The following RIMKLB variants were observed in gnomAD, a reference collection of about 807,000 sequenced individuals.
RIMKLB encodes the protein beta-citrylglutamate synthase B.
Under a neutral mutation model 32.0 loss-of-function variants are expected in RIMKLB, and 7 were observed. That is an observed-to-expected ratio of 0.22 (90% CI 0.12 to 0.41). RIMKLB has a LOEUF of 0.41. Among genes scored for constraint, RIMKLB ranks in the 10% least tolerant of loss-of-function variants. The pLI is 1.00. For synonymous variants in RIMKLB, 172 were observed against 185.1 expected, an observed-to-expected ratio of 0.93 and a Z score of 0.57; for missense variants, 289 against 498.7, an observed-to-expected ratio of 0.58 and a Z score of 4.00.
intron 2 of RIMKLB, among the ~76,000 whole-genome samples, chr12:8,747,112 G>A (rs11047040): frequency 0.033 from 5,006 of 152,158 alleles, 277 homozygotes; most frequent in African/African-American, 0.11. Flanking sequence ...AAATGCTTCT[G>A]GTCCCTACTA....
intron 2 of RIMKLB, among the ~76,000 whole-genome samples, chr12:8,725,532 C>T (rs1238542474): frequency 1.3e-5 from 2 of 152,120 alleles, no homozygotes; most frequent in Non-Finnish European, 2.9e-5. Context: ...TCAAGTCATC[C>T]TAGAGTTGCA....
chr12:8,753,030 G>A (rs1189253391), intron 4 of RIMKLB, among the ~76,000 whole-genome samples: 1 of 152,176 alleles, frequency 6.6e-6, no homozygotes, highest in Non-Finnish European at 1.5e-5. Flanking sequence ...ACAGGTGTGA[G>A]CCACTGCGCC....
At chr12:8,732,305 T>C (rs1946615721) in intron 2 of RIMKLB, among the ~76,000 whole-genome samples, 1 of 152,122 alleles carries the variant, frequency 6.6e-6, no homozygotes, top group South Asian at 2.1e-4. Flanking sequence ...TAGTTGCTTA[T>C]CTCATTTGGA....
At chr12:8,695,842 C>G (rs995669710), upstream of RIMKLB, among the ~76,000 whole-genome samples, 1 of 151,834 alleles carries the variant, frequency 6.6e-6, no homozygotes, top group Non-Finnish European at 1.5e-5. Flanking sequence ...TACAGGCGTG[C>G]GCTATCACGC....
Position 8,698,208 on chromosome 12 carries a change from C to G in RIMKLB, c.-146C>G, listed in dbSNP as rs908945486. The G allele has an allele frequency of 2.7e-6, 1 of 371,020 alleles. No homozygotes were observed. Among genetic ancestry groups the G allele is most frequent in the African/African-American group, 2.2e-5 (1 of 45,102 alleles). The allele number at this position is 371,020 out of a possible 1,614,324, so 23.0% of individuals were successfully genotyped here. The stretch of plus-strand genomic sequence containing the variant: ...ACCCCCTCCCCCTCCTCTCCTTCCC[C>G]CACTTCCAGCCGCCCGGCGGCCCGC... On this transcript the variant is annotated 5_prime_UTR_variant, in exon 1 of 6. Coordinates refer to ENST00000535829, the MANE Select transcript of RIMKLB (RefSeq NM_001297776.2).
At chr12:8,768,140 G>C (rs1176701966) in intron 5 of RIMKLB, among the ~76,000 whole-genome samples, 2 of 152,200 alleles carry the variant, frequency 1.3e-5, no homozygotes, top group African/African-American at 2.4e-5. Flanking sequence ...GGTCACGGAA[G>C]AGAACTGTGG....
At chr12:8,707,065 A>C (rs945914824) in intron 1 of RIMKLB, among the ~76,000 whole-genome samples, 1 of 152,060 alleles carries the variant, frequency 6.6e-6, no homozygotes, top group African/African-American at 2.4e-5. Context: ...ACAACATTCA[A>C]TGTGCTTTTT....
At chr12:8,762,439 C>G (rs1265157538) in intron 5 of RIMKLB, among the ~76,000 whole-genome samples, 1 of 151,996 alleles carries the variant, frequency 6.6e-6, no homozygotes, top group East Asian at 1.9e-4. Flanking sequence ...CCTTGCGGCT[C>G]TTTTGGCTTC....
intron 5 of RIMKLB, among the ~76,000 whole-genome samples, chr12:8,766,096 G>T (rs895760271): frequency 6.6e-6 from 1 of 151,786 alleles, no homozygotes; most frequent in Non-Finnish European, 1.5e-5. Context: ...CTTTGCCTTG[G>T]GGGGAATGTT....
At chr12:8,673,131 C>T in the RIMKLB span, among the ~76,000 whole-genome samples, 1 of 152,108 alleles carries the variant, frequency 6.6e-6, no homozygotes, top group East Asian at 1.9e-4. Context: ...ATCTACCTGC[C>T]TTGGCCTCCC....
intron 1 of RIMKLB, among the ~76,000 whole-genome samples, chr12:8,686,346 G>C (rs1942571715): frequency 6.6e-6 from 1 of 151,706 alleles, no homozygotes; most frequent in South Asian, 2.1e-4. Context: ...CCAGGGTGGA[G>C]TGCAGTAGCC....
chr12:8,764,554 A>G (rs1949795074), intron 5 of RIMKLB, among the ~76,000 whole-genome samples: 1 of 152,078 alleles, frequency 6.6e-6, no homozygotes, highest in Non-Finnish European at 1.5e-5. Flanking sequence ...CCGGGACAGG[A>G]GAGTAAGACT....
intron 5 of RIMKLB, among the ~76,000 whole-genome samples, chr12:8,763,660 G>C (rs1316847875): frequency 1.3e-5 from 2 of 152,242 alleles, no homozygotes; most frequent in Non-Finnish European, 2.9e-5. Context: ...AAACCTTGTA[G>C]CCACAAGTGG....
chr12:8,718,486 T>C (rs1945076817), intron 2 of RIMKLB, among the ~76,000 whole-genome samples: 2 of 152,074 alleles, frequency 1.3e-5, no homozygotes, highest in African/African-American at 4.8e-5. Flanking sequence ...CTACTAAAAA[T>C]ACAAAAATTA....
At chr12:8,729,878 G>A (rs868062105) in intron 2 of RIMKLB, among the ~76,000 whole-genome samples, 2 of 152,162 alleles carry the variant, frequency 1.3e-5, no homozygotes, top group Admixed American at 6.5e-5. Flanking sequence ...TTTTATAATA[G>A]CCATCCTAAT....
At chr12:8,704,451 A>G (rs1395404285) in intron 1 of RIMKLB, among the ~76,000 whole-genome samples, 1 of 152,162 alleles carries the variant, frequency 6.6e-6, no homozygotes, top group Admixed American at 6.5e-5. Context: ...AAACATGCTT[A>G]TTTGTTGAAC....
chr12:8,676,830 C>T (rs550489681), upstream of RIMKLB, among the ~76,000 whole-genome samples: 8 of 152,136 alleles, frequency 5.3e-5, no homozygotes, highest in East Asian at 1.9e-4. Flanking sequence ...TACAGGAAAC[C>T]GACTCAGGAA....
upstream of RIMKLB, chr12:8,697,884 G>A (rs1480241144): frequency 6.8e-6 from 1 of 146,960 alleles, no homozygotes; most frequent in Non-Finnish European, 1.5e-5. Flanking sequence ...CGGGGCCGGG[G>A]CGCGCGCCGC....
intron 1 of RIMKLB, among the ~76,000 whole-genome samples, chr12:8,685,926 G>A (rs1174751876): frequency 2.0e-5 from 3 of 152,054 alleles, no homozygotes; most frequent in South Asian, 4.1e-4. Flanking sequence ...TCCTGCCTCG[G>A]CCTCCCGAGT....
Sources: gnomAD v4.1 joint callset for allele counts (sites outside exome capture counted in the v4.1 genomes callset) on GRCh38, gnomAD v4.1.1 for gene constraint, MANE v1.5 for transcripts, NCBI Gene and HGNC (gene_info 2026-07-23, HGNC 2026-07-21) for gene names.